Variants in MIB1 observed in about 807,000 individuals in gnomAD.
The protein encoded by MIB1 is MIB E3 ubiquitin protein ligase 1, also known as E3 ubiquitin-protein ligase MIB1.
In MIB1, 278 loss-of-function variants were observed where a neutral mutation model predicts 124.5. The observed-to-expected ratio is 2.23, with a 90% CI of 2.02 to 2.47. The LOEUF is 2.47. Among genes scored for constraint, MIB1 ranks in the 30% most tolerant of loss-of-function variants. The pLI is 0.00. For missense variants in MIB1, 957 were observed against 1,254.4 expected, an observed-to-expected ratio of 0.76 and a Z score of 3.58; for synonymous variants, 446 against 429.4, an observed-to-expected ratio of 1.04 and a Z score of -0.48.
chr18:21,789,270 A>G (rs1299398935), intron 6 of MIB1, among the ~76,000 whole-genome samples: 1 of 150,586 alleles, frequency 6.6e-6, no homozygotes, highest in Non-Finnish European at 1.5e-5. Context: ...CTGTCTTCAC[A>G]TGACCTTTTT....
At chr18:21,767,144 T>G (rs1358692542) in intron 2 of MIB1, among the ~76,000 whole-genome samples, 3 of 152,182 alleles carry the variant, frequency 2.0e-5, no homozygotes, top group African/African-American at 7.2e-5. Flanking sequence ...ATACATATAT[T>G]AATCCCTTTT....
Position 21,808,369 on chromosome 18 carries a change from G to C in MIB1, c.1479+4355G>C, listed in dbSNP as rs534248482. 9.2e-5 allele frequency among the ~76,000 whole-genome samples: 14 copies of C among 152,242 alleles called. No homozygotes were observed. In the East Asian group the frequency reaches 1.9e-3, roughly 21 times the overall value. ...CAGCACAGCCATTCATTTATTTACT[G>C]TCTGTGGCTCCTTTAGTGTGACAGT... On this transcript the variant is annotated intron_variant, in intron 10 of 20. Transcript: ENST00000261537.
chr18:21,835,582 A>C (rs1442771694), intron 12 of MIB1, among the ~76,000 whole-genome samples: 1 of 151,658 alleles, frequency 6.6e-6, no homozygotes, highest in Non-Finnish European at 1.5e-5. Flanking sequence ...CCTGGCCAAG[A>C]TGGTGAAACC....
At chr18:21,733,692 G>A (rs962801327) in intron 1 of MIB1, among the ~76,000 whole-genome samples, 8 of 151,976 alleles carry the variant, frequency 5.3e-5, no homozygotes, top group Admixed American at 3.3e-4. Flanking sequence ...ACATCATCTC[G>A]TCCTTTCTTT....
chr18:21,839,018 C>T (rs541981822), intron 13 of MIB1, among the ~76,000 whole-genome samples: 7 of 152,212 alleles, frequency 4.6e-5, no homozygotes, highest in African/African-American at 1.7e-4. Flanking sequence ...TTTTATGAGC[C>T]TGGATTTTGG....
chr18:21,838,433 A>G lies in MIB1; in HGVS notation c.1898A>G (p.Tyr633Cys). ...WIVDEKKDDGYTALHLAALNN... is the reference protein window; with the variant it reads ...WIVDEKKDDGCTALHLAALNN... ...GTGGATGAGAAGAAAGATGATGGTTATACTGCCTTACATCTGGCTGCCCTT... is the reference window on the plus strand; with the variant it reads ...GTGGATGAGAAGAAAGATGATGGTTGTACTGCCTTACATCTGGCTGCCCTT... The change falls in exon 13 of 21, where the codon TAT becomes TGT. Residue 633 changes from tyrosine (Y) to cysteine (C), a missense_variant. Physicochemically the swap from Tyr to Cys is radical, Grantham distance 194. Coordinates refer to ENST00000261537, the MANE Select transcript of MIB1 (RefSeq NM_020774.4). 1 of 1,611,692 alleles carries G rather than the reference A, an allele frequency of 6.2e-7. No homozygotes were observed. The highest frequency in any genetic ancestry group is 8.5e-7 in the Non-Finnish European group (1 of 1,178,280).
intron 1 of MIB1, among the ~76,000 whole-genome samples, chr18:21,721,489 C>A (rs1469716650): frequency 1.3e-5 from 2 of 151,742 alleles, no homozygotes; most frequent in Non-Finnish European, 2.9e-5. Flanking sequence ...CCTAAAGAAG[C>A]TTTAAAATTA....
intron 7 of MIB1, among the ~76,000 whole-genome samples, chr18:21,795,544 G>T (rs1436445525): frequency 6.6e-6 from 1 of 151,046 alleles, no homozygotes; most frequent in African/African-American, 2.4e-5. Flanking sequence ...AGAAGGAAGG[G>T]AGACCTCTTT....
intron 20 of MIB1, among the ~76,000 whole-genome samples, chr18:21,863,411 T>C (rs1338193255): frequency 6.6e-6 from 1 of 152,174 alleles, no homozygotes; most frequent in Non-Finnish European, 1.5e-5. Context: ...CCTGGACACT[T>C]GAAGGATGGT....
chr18:21,761,934 C>A (rs1002501831), intron 1 of MIB1, among the ~76,000 whole-genome samples: 8 of 88,016 alleles, frequency 9.1e-5, no homozygotes, highest in African/African-American at 3.2e-4. Context: ...ACCCAGAAAA[C>A]AATCTGGAAA....
intron 3 of MIB1, among the ~76,000 whole-genome samples, chr18:21,773,303 G>A (rs919460870): frequency 6.6e-6 from 1 of 151,940 alleles, no homozygotes; most frequent in African/African-American, 2.4e-5. Context: ...GTTCTTAAAG[G>A]AATCTCTTTA....
rs529533192 is a variant in MIB1, at chr18:21,753,250, A to G, written c.229+11438A>G. Among the ~76,000 whole-genome samples the G allele has an allele frequency of 9.9e-5, 15 of 152,034 alleles. 1 individual carries two copies. The South Asian group carries it at 2.5e-3, about 25-fold the overall frequency. ...GTTGCCCAGTCTGTAGTGCAGTGGC[A>G]TGATCTCGGCTCACTGCAACCTTGG... On this transcript the variant is annotated intron_variant, in intron 1 of 20. Transcript: ENST00000261537.
Position 21,865,905 on chromosome 18 carries a change from T to TTAAAACAAACAAA in MIB1, c.*1239_*1240insTAAAACAAACAAA, listed in dbSNP as rs2042318132. 6.6e-6 allele frequency: 1 copy of TTAAAACAAACAAA among 151,684 alleles called. No individual in the cohort carries two copies. The highest frequency in any genetic ancestry group is 1.5e-5 in the Non-Finnish European group (1 of 67,974). The allele number at this position is 151,684 out of a possible 1,614,324, so 9.4% of individuals were successfully genotyped here. A position where few individuals can be genotyped will look rare whatever the true frequency, so the allele number is the denominator to read the frequency against. On this transcript the variant is annotated 3_prime_UTR_variant, in exon 21 of 21. Transcript: ENST00000261537. ...GAAATGTCTGCTTACCTGTAGACTT[T>TTAAAACAAACAAA]AAAAACAAACAAAATTTTTGGAGCA...
In MIB1 at chr18:21,865,937, C is replaced by G. The variant is rs1487227008; in HGVS notation, c.*1271C>G. 1 of 93,522 alleles carries G rather than the reference C, an allele frequency of 1.1e-5. No homozygotes were observed. The highest frequency in any genetic ancestry group is 2.3e-5 in the Non-Finnish European group (1 of 42,916). 5.8% of individuals were successfully genotyped at this position (93,522 alleles called of 1,614,324 possible). On this transcript the variant is annotated 3_prime_UTR_variant, in exon 21 of 21. Transcript: ENST00000261537. ...AAACAAAATTTTTGGAGCATTTAAT[C>G]ATTTTTTTTCTCCTTTTATCTCCTT...
At chr18:21,721,501 G>A (rs1214246427) in intron 1 of MIB1, among the ~76,000 whole-genome samples, 6 of 151,908 alleles carry the variant, frequency 3.9e-5, no homozygotes, top group Non-Finnish European at 8.8e-5. Context: ...TTAAAATTAT[G>A]ATTTTACTAA....
rs1206619819 is a variant in MIB1, at chr18:21,815,647, C to A, written c.1511C>A (p.Ala504Glu). The change falls in exon 11 of 21, where the codon GCA becomes GAA. Residue 504 changes from alanine to glutamate, a missense_variant. Transcript: ENST00000261537. ...GATGGTGATAGAGCAGTTCACCATG[C>A]AGCTTTTGGAGATGAAGGCGCTGTT... ...DKDGDRAVHHAAFGDEGAVIE... is the reference protein window; with the variant it reads ...DKDGDRAVHHEAFGDEGAVIE... 6.2e-7 allele frequency: 1 copy of A among 1,614,062 alleles called. No homozygotes were observed. Among genetic ancestry groups the A allele is most frequent in the East Asian group, 2.2e-5 (1 of 44,874 alleles).
intron 1 of MIB1, among the ~76,000 whole-genome samples, chr18:21,732,915 A>G (rs1314477092): frequency 2.6e-5 from 4 of 152,218 alleles, no homozygotes; most frequent in Non-Finnish European, 5.9e-5. Context: ...CACTCTTGTA[A>G]TAAGCAGATG....
intron 10 of MIB1, among the ~76,000 whole-genome samples, chr18:21,811,637 A>G (rs528012660): frequency 1.3e-5 from 2 of 152,304 alleles, no homozygotes; most frequent in African/African-American, 4.8e-5. Context: ...TCCACTAAGA[A>G]GTATAGATAG....
chr18:21,823,104 C>T (rs531181536), intron 12 of MIB1, among the ~76,000 whole-genome samples: 16 of 151,756 alleles, frequency 1.1e-4, no homozygotes, highest in East Asian at 3.9e-4. Context: ...TGTAGTGGTG[C>T]GCACCTGTAG....
Sources: allele counts gnomAD v4.1 joint callset (sites outside exome capture counted in the v4.1 genomes callset), GRCh38; gene constraint gnomAD v4.1.1; transcripts MANE v1.5; gene names NCBI Gene and HGNC (gene_info 2026-07-23, HGNC 2026-07-21).